Variants in CTTNBP2 observed in about 807,000 individuals in gnomAD.
CTTNBP2 encodes cortactin-binding protein 2.
In CTTNBP2, 108 loss-of-function variants were observed where a neutral mutation model predicts 156.9. The observed-to-expected ratio is 0.69, with a 90% CI of 0.59 to 0.81. The LOEUF (loss-of-function observed/expected upper bound fraction) is 0.81, where lower values mean the gene tolerates loss of function less well. CTTNBP2 is among the 30% of genes least tolerant of loss of function. The probability of loss-of-function intolerance (pLI) is 0.00; values close to 1 mark genes in which losing one functional copy is unlikely to be tolerated. For missense variants in CTTNBP2, 1,924 were observed against 2,035.4 expected (o/e 0.95, Z 1.05); for synonymous variants, 767 against 751.8 (o/e 1.02, Z -0.33).
chr7:117,792,497 C>A lies in CTTNBP2; in HGVS notation c.699G>T (p.Glu233Asp). The change falls in exon 4 of 23, where the codon GAG becomes GAT. Residue 233 changes from glutamate to aspartate, a missense_variant. Transcript: ENST00000160373. The surrounding 1 kb of genome is among the most constrained non-coding windows in gnomAD (Gnocchi z 4.2). ...GAAGCTGTTCCCGCTCAGTGTCAAA[C>A]TCAGAGAGTTGTTTTTCCATCTGAG... ...MEAQMEKQLSEFDTEREQLRA... is the reference protein window; with the variant it reads ...MEAQMEKQLSDFDTEREQLRA... 1 of 1,614,202 alleles carries A rather than the reference C, an allele frequency of 6.2e-7. No homozygotes were observed. The highest frequency in any genetic ancestry group is 8.5e-7 in the Non-Finnish European group (1 of 1,180,024).
intron 2 of CTTNBP2, among the ~76,000 whole-genome samples, chr7:117,847,885 C>T (rs1471036315): frequency 3.3e-5 from 4 of 119,972 alleles, no homozygotes; most frequent in Non-Finnish European, 6.4e-5. Flanking sequence ...GTGGTGTAAT[C>T]TTGGCTCACA....
rs556372208 is a variant in CTTNBP2 at position 117,743,761 on chromosome 7, C to CAAA, written c.3535+2067_3535+2069dup. 5.5e-3 allele frequency among the ~76,000 whole-genome samples: 108 copies of CAAA among 19,624 alleles called. 12 individuals carry two copies. Among genetic ancestry groups the CAAA allele is most frequent in the African/African-American group, 1.0e-2 (67 of 6,732 alleles). The allele number at this position is 19,624 out of a possible 152,430, so 12.9% of individuals were successfully genotyped here. On this transcript the variant is annotated intron_variant, in intron 14 of 22. Coordinates refer to ENST00000160373, the MANE Select transcript of CTTNBP2 (RefSeq NM_033427.3). ...CTGGTGACAGAGTGAGACTCTGTCT[C>CAAA]AAAAAAAAAAAAAAAAAAAAAAAAA... is the stretch of plus-strand genomic sequence containing the variant.
At chr7:117,825,730 T>C (rs1311432628) in intron 2 of CTTNBP2, among the ~76,000 whole-genome samples, 3 of 152,110 alleles carry the variant, frequency 2.0e-5, no homozygotes, top group Non-Finnish European at 4.4e-5. Flanking sequence ...GTAATGTACC[T>C]AAACCAGAAT....
intron 3 of CTTNBP2, among the ~76,000 whole-genome samples, chr7:117,806,295 T>C (rs928776524): frequency 6.6e-6 from 1 of 152,128 alleles, no homozygotes; most frequent in Non-Finnish European, 1.5e-5. Flanking sequence ...GAAAACTATG[T>C]AGGTGGGAGC....
chr7:117,812,974 G>A (rs1800377937), intron 2 of CTTNBP2, among the ~76,000 whole-genome samples: 1 of 152,086 alleles, frequency 6.6e-6, no homozygotes, highest in Admixed American at 6.5e-5. Flanking sequence ...TCAGCAAAGA[G>A]GTATATATGA....
intron 2 of CTTNBP2, among the ~76,000 whole-genome samples, chr7:117,839,897 T>A (rs945627562): frequency 1.3e-5 from 2 of 152,194 alleles, no homozygotes; most frequent in Non-Finnish European, 2.9e-5. Flanking sequence ...TCCCTACTAA[T>A]AATAAACTAC....
chr7:117,815,846 C>G (rs758576450), intron 2 of CTTNBP2, among the ~76,000 whole-genome samples: 7 of 152,172 alleles, frequency 4.6e-5, no homozygotes, highest in Non-Finnish European at 8.8e-5. Context: ...GATTAAGGGA[C>G]TCTGGGGCTC....
chr7:117,800,286 G>T (rs1799539526), intron 3 of CTTNBP2, among the ~76,000 whole-genome samples: 1 of 151,950 alleles, frequency 6.6e-6, no homozygotes, highest in African/African-American at 2.4e-5. Context: ...TCTAATATAG[G>T]TAAGACTAAT....
chr7:117,858,614 T>C (rs1803495703), intron 2 of CTTNBP2, among the ~76,000 whole-genome samples: 1 of 152,196 alleles, frequency 6.6e-6, no homozygotes, highest in Admixed American at 6.5e-5. Context: ...TGAGCATTTT[T>C]GGTTTTCACA....
intron 6 of CTTNBP2, 66 bp downstream of exon 6, chr7:117,782,796 T>C (rs1439823558): frequency 1.9e-6 from 2 of 1,058,862 alleles, no homozygotes; most frequent in African/African-American, 3.2e-5. Context: ...GGAACTAAAA[T>C]ACGTGTGCAA....
chr7:117,710,701 T>TGTAA lies in CTTNBP2; in HGVS notation c.*832_*835dup, dbSNP rs146286060. 3 of 152,582 alleles carry TGTAA rather than the reference T, an allele frequency of 2.0e-5. No homozygotes were observed. Among genetic ancestry groups the TGTAA allele is most frequent in the South Asian group, 2.1e-4 (1 of 4,838 alleles). 9.5% of individuals were successfully genotyped at this position (152,582 alleles called of 1,614,324 possible). A position where few individuals can be genotyped will look rare whatever the true frequency, so the allele number is the denominator to read the frequency against. On this transcript the variant is annotated 3_prime_UTR_variant, in exon 23 of 23. Transcript: ENST00000160373. ...GTGTCAAAGCATCTTAACTGAATTG[T>TGTAA]GTAAGTAATTTTGTCTGTAATTTTA...
chr7:117,752,105 C>A (rs916743857), intron 12 of CTTNBP2, among the ~76,000 whole-genome samples: 3 of 152,166 alleles, frequency 2.0e-5, no homozygotes, highest in Non-Finnish European at 4.4e-5. Flanking sequence ...CTATCACTTA[C>A]AACCTTATTT....
At chr7:117,775,371 A>T (rs1333118776) in intron 8 of CTTNBP2, among the ~76,000 whole-genome samples, 1 of 152,152 alleles carries the variant, frequency 6.6e-6, no homozygotes, top group South Asian at 2.1e-4. Context: ...TGTGGAAATC[A>T]ATGACAATGC....
rs10274808 is a variant in CTTNBP2, at chr7:117,740,675, C to T, written c.3535+5156G>A. On this transcript the variant is annotated intron_variant, in intron 14 of 22. Coordinates refer to ENST00000160373, the MANE Select transcript of CTTNBP2 (RefSeq NM_033427.3). ...GTGGAATAGCCTAGAAAACCCCTTTCCTCCATCCAGATCTCTGACTTCTCT... is the reference window on the plus strand; with the variant it reads ...GTGGAATAGCCTAGAAAACCCCTTTTCTCCATCCAGATCTCTGACTTCTCT... 9.1e-3 allele frequency among the ~76,000 whole-genome samples: 1,382 copies of T among 152,290 alleles called. 23 individuals are homozygous for T. Among genetic ancestry groups the T allele is most frequent in the African/African-American group, 0.031 (1,280 of 41,548 alleles).
intron 2 of CTTNBP2, among the ~76,000 whole-genome samples, chr7:117,824,043 C>T (rs917800720): frequency 2.6e-4 from 40 of 151,036 alleles, no homozygotes; most frequent in African/African-American, 9.2e-4. Flanking sequence ...GTAAACACTG[C>T]CTTGGTCTGG....
At chr7:117,714,889 G>T (rs1257601740) in intron 22 of CTTNBP2, among the ~76,000 whole-genome samples, 3 of 152,190 alleles carry the variant, frequency 2.0e-5, no homozygotes, top group Non-Finnish European at 4.4e-5. Flanking sequence ...TTTAGGAGCA[G>T]GAGAGTTACA....
chr7:117,721,033 T>C (rs767824394), intron 20 of CTTNBP2, 34 bp downstream of exon 20: 27 of 1,313,540 alleles, frequency 2.1e-5, no homozygotes, highest in Admixed American at 3.4e-5. Flanking sequence ...TTTATCTTTG[T>C]TTGCTGTGAG....
chr7:117,845,291 T>C (rs1189117781), intron 2 of CTTNBP2, among the ~76,000 whole-genome samples: 1 of 152,182 alleles, frequency 6.6e-6, no homozygotes, highest in Non-Finnish European at 1.5e-5. Flanking sequence ...TTGAAAAATC[T>C]CAAAGTTGAA....
At chr7:117,860,215 A>C (rs547647340) in intron 2 of CTTNBP2, among the ~76,000 whole-genome samples, 1 of 152,378 alleles carries the variant, frequency 6.6e-6, no homozygotes, top group South Asian at 2.1e-4. Context: ...CAAAGTATTA[A>C]ATAGAAAAGA....
Sources: allele counts gnomAD v4.1 joint callset (sites outside exome capture counted in the v4.1 genomes callset), GRCh38; gene constraint gnomAD v4.1.1; non-coding constraint Gnocchi (gnomAD v3.1); transcripts MANE v1.5; gene names NCBI Gene and HGNC (gene_info 2026-07-23, HGNC 2026-07-21).